PPP1R1C: variants seen among roughly 807,000 people sequenced by gnomAD.
PPP1R1C encodes protein phosphatase 1 regulatory inhibitor subunit 1C.
A neutral mutation model predicts 17.4 loss-of-function variants in PPP1R1C; 15 were observed. The observed-to-expected ratio is 0.86, with a 90% CI of 0.58 to 1.33. The LOEUF is 1.33. Ranked by LOEUF, PPP1R1C falls within the 40% of genes most tolerant of loss-of-function variation. The pLI is 0.00. For missense variants in PPP1R1C, 143 were observed against 130.0 expected (o/e 1.10, Z -0.48); for synonymous variants, 35 against 43.1 (o/e 0.81, Z 0.73).
chr2:182,023,074 T>C (rs1686477991), intron 2 of PPP1R1C, among the ~76,000 whole-genome samples: 1 of 152,096 alleles, frequency 6.6e-6, no homozygotes, highest in African/African-American at 2.4e-5. Context: ...ATATAACACA[T>C]AGAGACAAAT....
Position 182,043,370 on chromosome 2 carries a change from CTTAT to C in PPP1R1C, c.143-18068_143-18065del, listed in dbSNP as rs1196637787. On this transcript the variant is annotated intron_variant, in intron 2 of 4. Coordinates refer to ENST00000682840, the MANE Select transcript of PPP1R1C (RefSeq NM_001080545.3). The stretch of plus-strand genomic sequence containing the variant: ...GTTATTATATACTGAACTCAAAATA[CTTAT>C]TTAAAAACTTTAATAAGCAAAATAA... 6.6e-5 allele frequency among the ~76,000 whole-genome samples: 10 copies of C among 152,238 alleles called. No homozygotes were observed. In the East Asian group the frequency reaches 1.9e-3, roughly 29 times the overall value.
intron 2 of PPP1R1C, among the ~76,000 whole-genome samples, chr2:181,988,731 G>A (rs2059701): frequency 0.096 from 14,675 of 152,132 alleles, 820 homozygotes; most frequent in African/African-American, 0.15. Flanking sequence ...AGACTGTAGC[G>A]AGTGATCTAA....
chr2:181,979,443 G>C (rs932033149), intron 2 of PPP1R1C, among the ~76,000 whole-genome samples: 9 of 151,926 alleles, frequency 5.9e-5, no homozygotes, highest in African/African-American at 1.9e-4. Context: ...CTTGTCTCTG[G>C]TCTTGACCCA....
chr2:181,979,571 C>T (rs980454477), intron 2 of PPP1R1C, among the ~76,000 whole-genome samples: 26 of 152,142 alleles, frequency 1.7e-4, no homozygotes, highest in African/African-American at 6.0e-4. Flanking sequence ...AGAGTAAATC[C>T]CACATTTCTT....
intron 1 of PPP1R1C, among the ~76,000 whole-genome samples, chr2:181,972,568 A>T (rs2125134160): frequency 6.6e-6 from 1 of 152,120 alleles, no homozygotes; most frequent in East Asian, 1.9e-4. Context: ...ATTTTAGCAG[A>T]AGGAGCATTT....
chr2:181,996,607 A>G (rs1245024689), intron 2 of PPP1R1C, among the ~76,000 whole-genome samples: 1 of 152,218 alleles, frequency 6.6e-6, no homozygotes, highest in Non-Finnish European at 1.5e-5. Flanking sequence ...TATATTGACA[A>G]TCTGATTAGA....
chr2:182,119,574 C>T (rs2125239360), downstream of PPP1R1C, among the ~76,000 whole-genome samples: 1 of 152,298 alleles, frequency 6.6e-6, no homozygotes, highest in South Asian at 2.1e-4. Flanking sequence ...CCTGTTGTTT[C>T]CTGACTTTTT....
chr2:182,063,847 C>T, intron 4 of PPP1R1C, 56 bp downstream of exon 4: 1 of 1,337,894 alleles, frequency 7.5e-7, no homozygotes, highest in Non-Finnish European at 1.1e-6. Context: ...GGCTGGTCGG[C>T]CGTCTGTTCT....
At chr2:182,044,821 C>T (rs189339714) in intron 2 of PPP1R1C, among the ~76,000 whole-genome samples, 59 of 152,282 alleles carry the variant, frequency 3.9e-4, no homozygotes, top group Admixed American at 9.8e-4. Context: ...GACAACCTTA[C>T]ATATAAGACA....
chr2:182,064,691 A>G (rs1687939644), intron 4 of PPP1R1C, among the ~76,000 whole-genome samples: 1 of 152,124 alleles, frequency 6.6e-6, no homozygotes, highest in African/African-American at 2.4e-5. Flanking sequence ...TTCCTCATGC[A>G]GCTATAAAAC....
Position 181,992,411 on chromosome 2 carries a change from G to A in PPP1R1C, c.142+4512G>A, listed in dbSNP as rs532995968. On this transcript the variant is annotated intron_variant, in intron 2 of 4. Transcript: ENST00000682840. ...CTATCCGAATTCTCCCTATTGCTCT[G>A]CCTTTGAAGCCCAGAGCTGGACACA... Among the ~76,000 whole-genome samples, 133 of 134,684 alleles carry A rather than the reference G, an allele frequency of 9.9e-4. 29 individuals are homozygous for A. Among genetic ancestry groups the A allele is most frequent in the South Asian group, 5.2e-3 (21 of 4,016 alleles). The allele number at this position is 134,684 out of a possible 152,430, so 88.4% of individuals were successfully genotyped here.
At chr2:181,960,152 T>G (rs1684745339) in intron 1 of PPP1R1C, among the ~76,000 whole-genome samples, 1 of 152,234 alleles carries the variant, frequency 6.6e-6, no homozygotes, top group Non-Finnish European at 1.5e-5. Flanking sequence ...TATCAGAGAT[T>G]TGTAGAGTTA....
At chr2:182,020,857 C>G (rs1445204948) in intron 2 of PPP1R1C, among the ~76,000 whole-genome samples, 1 of 152,160 alleles carries the variant, frequency 6.6e-6, no homozygotes, top group Non-Finnish European at 1.5e-5. Flanking sequence ...TTTTTGGATT[C>G]TCATTAGTCA....
intron 2 of PPP1R1C, among the ~76,000 whole-genome samples, chr2:182,050,920 G>A (rs1481034227): frequency 6.6e-6 from 1 of 152,080 alleles, no homozygotes; most frequent in Admixed American, 6.5e-5. Flanking sequence ...TTTTATTACA[G>A]CAGTCAACAT....
chr2:181,989,068 C>A (rs902966610), intron 2 of PPP1R1C, among the ~76,000 whole-genome samples: 1 of 152,150 alleles, frequency 6.6e-6, no homozygotes, highest in African/African-American at 2.4e-5. Context: ...AAAGATAAGT[C>A]TTCTCGATTT....
chr2:182,005,905 C>T (rs926996980), intron 2 of PPP1R1C, among the ~76,000 whole-genome samples: 1 of 152,134 alleles, frequency 6.6e-6, no homozygotes, highest in African/African-American at 2.4e-5. Context: ...ATAATGCCTA[C>T]TTCACAGGGT....
At chr2:181,982,797 G>A (rs1247363488), upstream of PPP1R1C, among the ~76,000 whole-genome samples, 4 of 152,112 alleles carry the variant, frequency 2.6e-5, no homozygotes, top group Non-Finnish European at 5.9e-5. Flanking sequence ...ATATTATAGT[G>A]TAAAATCAGG....
chr2:182,117,553 C>A lies in PPP1R1C; in HGVS notation c.*258C>A. On this transcript the variant is annotated 3_prime_UTR_variant, in exon 5 of 5. Coordinates refer to ENST00000682840, the MANE Select transcript of PPP1R1C (RefSeq NM_001080545.3). ...TTCTTTTTAACTATGTAAAAATTTG[C>A]ATACATGTGACTGTTCTAACTTTAA... The A allele has an allele frequency of 2.8e-6, 1 of 357,752 alleles. No individual in the cohort carries two copies. The allele number at this position is 357,752 out of a possible 1,614,324, so 22.2% of individuals were successfully genotyped here. A position where few individuals can be genotyped will look rare whatever the true frequency, so the allele number is the denominator to read the frequency against.
At chr2:182,101,935 G>C (rs548384470) in intron 4 of PPP1R1C, among the ~76,000 whole-genome samples, 34 of 152,192 alleles carry the variant, frequency 2.2e-4, no homozygotes, top group Admixed American at 5.9e-4. Flanking sequence ...CTATATGAAG[G>C]CCTCCCTAGT....
Sources: gnomAD v4.1 joint callset for allele counts (sites outside exome capture counted in the v4.1 genomes callset) on GRCh38, gnomAD v4.1.1 for gene constraint, MANE v1.5 for transcripts, NCBI Gene and HGNC (gene_info 2026-07-23, HGNC 2026-07-21) for gene names.